Variants in ZNF367 observed in about 807,000 individuals in gnomAD.
The protein encoded by ZNF367 is zinc finger protein 367, also known as C2H2 zinc finger protein ZFF29.
Under a neutral mutation model 31.8 loss-of-function variants are expected in ZNF367, and 11 were observed. The observed-to-expected ratio is 0.35, with a 90% confidence interval of 0.22 to 0.57. ZNF367 has a LOEUF of 0.57. ZNF367 is among the 20% of genes least tolerant of loss of function. The probability of loss-of-function intolerance (pLI) is 0.85; values close to 1 mark genes in which losing one functional copy is unlikely to be tolerated. For synonymous variants in ZNF367, 199 were observed against 202.4 expected, an observed-to-expected ratio of 0.98 and a Z score of 0.14; for missense variants, 353 against 484.1, an observed-to-expected ratio of 0.73 and a Z score of 2.54.
chr9:96,416,083 T>G (rs1399412181), intron 1 of ZNF367, among the ~76,000 whole-genome samples: 13 of 144,078 alleles, frequency 9.0e-5, no homozygotes, highest in Admixed American at 6.9e-5. Context: ...TTTTTTTTTT[T>G]GTTGTTTTTT....
At position 96,392,388 on chromosome 9, in the gene ZNF367, C is replaced by A. The variant is rs370319176; in HGVS notation, c.830+10G>T. 6.2e-7 allele frequency: 1 copy of A among 1,614,076 alleles called. No individual in the cohort carries two copies. The highest frequency in any genetic ancestry group is 8.5e-7 in the Non-Finnish European group (1 of 1,180,038). The stretch of plus-strand genomic sequence containing the variant: ...CATCTTCACGGTGGACTAAAGGCAG[C>A]ATTCCTGACCTCGCCAGCCACTCGG... On this transcript the variant is annotated intron_variant, in intron 4 of 4. Transcript: ENST00000375256.
At chr9:96,413,522 A>G (rs1480001382) in intron 1 of ZNF367, among the ~76,000 whole-genome samples, 1 of 152,154 alleles carries the variant, frequency 6.6e-6, no homozygotes, top group Admixed American at 6.6e-5. Context: ...GGTGAATAGT[A>G]TCTGAGAAGC....
At chr9:96,402,749 G>A (rs1433007708) in intron 1 of ZNF367, among the ~76,000 whole-genome samples, 1 of 150,884 alleles carries the variant, frequency 6.6e-6, no homozygotes, top group Non-Finnish European at 1.5e-5. Flanking sequence ...TGGGATTACA[G>A]GCGTGAGCCC....
chr9:96,414,071 A>C (rs1831785690), intron 1 of ZNF367, among the ~76,000 whole-genome samples: 1 of 152,222 alleles, frequency 6.6e-6, no homozygotes, highest in Non-Finnish European at 1.5e-5. Context: ...GCAAAACAGT[A>C]AAACAGGCTG....
chr9:96,397,143 G>A (rs1831542331), intron 2 of ZNF367, among the ~76,000 whole-genome samples: 2 of 152,012 alleles, frequency 1.3e-5, no homozygotes, highest in Admixed American at 1.3e-4. Flanking sequence ...GAGTCACAGT[G>A]GCTACTGTAT....
Position 96,417,796 on chromosome 9 carries a change from G to C in ZNF367, c.237C>G (p.Asn79Lys). The C allele has an allele frequency of 1.5e-6, 2 of 1,365,152 alleles. No homozygotes were observed. Among genetic ancestry groups the C allele is most frequent in the Non-Finnish European group, 1.9e-6 (2 of 1,058,210 alleles). The allele number at this position is 1,365,152 out of a possible 1,614,324, so 84.6% of individuals were successfully genotyped here. A position where few individuals can be genotyped will look rare whatever the true frequency, so the allele number is the denominator to read the frequency against. The change falls in exon 1 of 5, where the codon AAC (asparagine) becomes AAG (lysine). Residue 79 changes from asparagine (N) to lysine (K), a missense_variant. By Grantham distance (94) the Asn-to-Lys change is moderately conservative. Coordinates refer to ENST00000375256, the MANE Select transcript of ZNF367 (RefSeq NM_153695.4). The surrounding 1 kb of genome is among the most constrained non-coding windows in gnomAD (Gnocchi z 5.0). ...YPWRWGENAH[N>K]VTLSPGAAGA... Reference sequence around the variant, plus strand: ...CCGCGGCCCCAGGGCTGAGCGTCACGTTGTGTGCGTTCTCGCCCCAGCGCC... The same window carrying C: ...CCGCGGCCCCAGGGCTGAGCGTCACCTTGTGTGCGTTCTCGCCCCAGCGCC...
At chr9:96,390,605 G>A (rs947485370) in intron 4 of ZNF367, among the ~76,000 whole-genome samples, 1 of 152,088 alleles carries the variant, frequency 6.6e-6, no homozygotes, top group African/African-American at 2.4e-5. Context: ...ACAAGGAGGC[G>A]AGGTGCGGTG....
At chr9:96,390,036 C>T (rs1212352694) in intron 4 of ZNF367, among the ~76,000 whole-genome samples, 1 of 151,664 alleles carries the variant, frequency 6.6e-6, no homozygotes, top group Non-Finnish European at 1.5e-5. Context: ...CCTAGGCCTC[C>T]CAAAGTGCTG....
chr9:96,415,139 C>T (rs1015143709), intron 1 of ZNF367, among the ~76,000 whole-genome samples: 4 of 151,380 alleles, frequency 2.6e-5, no homozygotes, highest in African/African-American at 9.7e-5. Context: ...ACTGCAAGCT[C>T]CGCCTCCCGG....
At chr9:96,405,360 A>G (rs1430071903) in intron 1 of ZNF367, among the ~76,000 whole-genome samples, 1 of 151,062 alleles carries the variant, frequency 6.6e-6, no homozygotes, top group Non-Finnish European at 1.5e-5. Context: ...TTCATCATTT[A>G]GGAAAATGCT....
intron 1 of ZNF367, among the ~76,000 whole-genome samples, chr9:96,403,065 G>T (rs1465761129): frequency 6.6e-6 from 1 of 151,940 alleles, no homozygotes; most frequent in African/African-American, 2.4e-5. Context: ...CACCTCCCAG[G>T]TTCCAGCAAT....
At chr9:96,415,479 ATTTTTTTTTTTTTTTTTTTTTTT>A (rs56349404) in intron 1 of ZNF367, among the ~76,000 whole-genome samples, 2 of 37,756 alleles carry the variant, frequency 5.3e-5, no homozygotes, top group Non-Finnish European at 9.5e-5. Flanking sequence ...TAGTTTCTTC[ATTTTTTTTTTTTTTTTTTTTTTT>A]TTTTTTTTTT....
At chr9:96,408,855 C>T (rs567271328) in intron 1 of ZNF367, among the ~76,000 whole-genome samples, 36 of 152,294 alleles carry the variant, frequency 2.4e-4, no homozygotes, top group African/African-American at 6.0e-4. Flanking sequence ...CAGAGTGCAA[C>T]TTAGCCATAT....
At chr9:96,407,333 G>T (rs1159097881) in intron 1 of ZNF367, 4 of 1,569,310 alleles carry the variant, frequency 2.5e-6, no homozygotes, top group Non-Finnish European at 3.5e-6. Flanking sequence ...TATGGATACC[G>T]TTTGGATTAC....
Position 96,390,468 on chromosome 9 carries a change from T to TA in ZNF367, c.830+1929dup, listed in dbSNP as rs149051101. On this transcript the variant is annotated intron_variant, in intron 4 of 4. Coordinates refer to ENST00000375256, the MANE Select transcript of ZNF367 (RefSeq NM_153695.4). Reference sequence around the variant, plus strand: ...GGTTTAGGCTTTAGACTGAGGATCATACTGACATTTTAGAAAGATCCCTCT... The same window carrying TA: ...GGTTTAGGCTTTAGACTGAGGATCATAACTGACATTTTAGAAAGATCCCTCT... 3.4e-3 allele frequency among the ~76,000 whole-genome samples: 513 copies of TA among 152,302 alleles called. 4 individuals carry two copies. The highest frequency in any genetic ancestry group is 0.012 in the African/African-American group (500 of 41,570).
chr9:96,393,386 T>C (rs1368620526), intron 3 of ZNF367, among the ~76,000 whole-genome samples: 2 of 151,550 alleles, frequency 1.3e-5, no homozygotes, highest in Non-Finnish European at 2.9e-5. Context: ...CCGGACATGG[T>C]GGCACAAGCC....
intron 4 of ZNF367, 29 bp from the exon 5 acceptor site, chr9:96,388,488 A>G (rs766587757): frequency 1.9e-6 from 3 of 1,571,902 alleles, no homozygotes; most frequent in East Asian, 2.2e-5. Flanking sequence ...CATTAGTTAC[A>G]TGGCAGACAT....
chr9:96,393,720 A>G (rs541103045), intron 3 of ZNF367, among the ~76,000 whole-genome samples: 68 of 152,010 alleles, frequency 4.5e-4, no homozygotes, highest in Admixed American at 2.0e-4. Context: ...AATCCCAGCT[A>G]CTCGGGAGGC....
Position 96,417,729 on chromosome 9 carries a change from C to T in ZNF367, c.304G>A (p.Glu102Lys), listed in dbSNP as rs1831851402. The T allele has an allele frequency of 2.4e-6, 3 of 1,224,774 alleles. No individual in the cohort carries two copies. Among genetic ancestry groups the T allele is most frequent in the Non-Finnish European group, 3.1e-6 (3 of 982,680 alleles). 75.9% of individuals were successfully genotyped at this position (1,224,774 alleles called of 1,614,324 possible). A position where few individuals can be genotyped will look rare whatever the true frequency, so the allele number is the denominator to read the frequency against. ...CCCCGGCCACGAAGCCCCGAGTGCT[C>T]GGCGGCTGCGGCTGCAGGCAGGGCG... Reference protein sequence around the residue: ...SAALPAAAAAEHSGLRGRGAP... With the variant: ...SAALPAAAAAKHSGLRGRGAP... The change falls in exon 1 of 5, where the codon GAG becomes AAG. Residue 102 changes from glutamate (E) to lysine (K), a missense_variant. Around this residue, in one of 5 missense-constraint regions of ZNF367, gnomAD observed 70 missense variants for 57.1 expected, o/e 1.23. Coordinates refer to ENST00000375256, the MANE Select transcript of ZNF367 (RefSeq NM_153695.4). The surrounding 1 kb of genome is among the most constrained non-coding windows in gnomAD (Gnocchi z 5.0).
Sources: allele counts gnomAD v4.1 joint callset (sites outside exome capture counted in the v4.1 genomes callset), GRCh38; gene constraint gnomAD v4.1.1; regional missense constraint gnomAD v4.1.1; non-coding constraint Gnocchi (gnomAD v3.1); transcripts MANE v1.5; gene names NCBI Gene and HGNC (gene_info 2026-07-23, HGNC 2026-07-21).